SASH1: variants seen among roughly 807,000 people sequenced by gnomAD.
SASH1 encodes SAM and SH3 domain-containing protein 1.
A neutral mutation model predicts 125.2 loss-of-function variants in SASH1; 44 were observed. The ratio of observed to expected loss-of-function variants is 0.35; its 90% confidence interval spans 0.28 to 0.45. The LOEUF (loss-of-function observed/expected upper bound fraction) is 0.45, where lower values mean the gene tolerates loss of function less well. Ranked by LOEUF, SASH1 falls within the 20% of genes least tolerant of loss-of-function variation. The pLI is 1.00. For synonymous variants in SASH1, 639 were observed against 649.1 expected (o/e 0.98, Z 0.24); for missense variants, 1,426 against 1,614.5 (o/e 0.88, Z 2.00).
At position 148,474,104 on chromosome 6, in the gene SASH1, C is replaced by T. The variant is rs1778233996; in HGVS notation, c.515-6C>T. 6.3e-7 allele frequency: 1 copy of T among 1,593,378 alleles called. No individual in the cohort carries two copies. Among genetic ancestry groups the T allele is most frequent in the Admixed American group, 1.7e-5 (1 of 59,236 alleles). ...ACTCCTGTTGTTCTTTGTCCTCAAT[C>T]TCCAGGAGAAGACGTTGGTTATGTT... On this transcript the variant is annotated splice_region_variant and splice_polypyrimidine_tract_variant and intron_variant, in intron 6 of 19. Transcript: ENST00000367467.
chr6:148,359,073 T>A (rs1782075977), intron 1 of SASH1, among the ~76,000 whole-genome samples: 1 of 150,990 alleles, frequency 6.6e-6, no homozygotes, highest in Non-Finnish European at 1.5e-5. Context: ...CTTGGAATTT[T>A]TATTTAAAAA....
the SASH1 span, among the ~76,000 whole-genome samples, chr6:148,264,620 G>T: frequency 1.3e-5 from 2 of 152,198 alleles, no homozygotes; most frequent in Admixed American, 6.5e-5. Context: ...TCCACACCCA[G>T]TCATACTTGA....
intron 2 of SASH1, among the ~76,000 whole-genome samples, chr6:148,417,890 C>A (rs765835633): frequency 3.9e-5 from 6 of 152,104 alleles, no homozygotes; most frequent in Non-Finnish European, 7.4e-5. Flanking sequence ...GTGATAATCA[C>A]GTTGATGATA....
Position 148,342,871 on chromosome 6 carries a change from C to A in SASH1, c.-197C>A, listed in dbSNP as rs1781377351. ...TTCTGGAGTTGTCAGTCGCGCAGCC[C>A]GTGGCCACCTAGACCCGAGGTGCGG... is the stretch of plus-strand genomic sequence containing the variant. On this transcript the variant is annotated 5_prime_UTR_variant, in exon 1 of 20. Coordinates refer to ENST00000367467, the MANE Select transcript of SASH1 (RefSeq NM_015278.5). 8.5e-6 allele frequency: 2 copies of A among 234,822 alleles called. No homozygotes were observed. The highest frequency in any genetic ancestry group is 1.4e-5 in the Non-Finnish European group (2 of 143,694). 14.5% of individuals were successfully genotyped at this position (234,822 alleles called of 1,614,324 possible).
the SASH1 span, among the ~76,000 whole-genome samples, chr6:148,208,459 G>A: frequency 6.6e-6 from 1 of 152,122 alleles, no homozygotes; most frequent in African/African-American, 2.4e-5. Context: ...GAGGGGACAG[G>A]GTCCTTAACA....
the SASH1 span, among the ~76,000 whole-genome samples, chr6:148,238,690 G>A: frequency 1.5e-4 from 22 of 151,498 alleles, no homozygotes; most frequent in South Asian, 4.6e-3. Context: ...TATGAGAGAA[G>A]GGATTTTTAT....
intron 1 of SASH1, among the ~76,000 whole-genome samples, chr6:148,278,140 A>G (rs1779238085): frequency 6.6e-6 from 1 of 152,110 alleles, no homozygotes; most frequent in Non-Finnish European, 1.5e-5. Context: ...CCCGGGTTCA[A>G]GCGATTCTCC....
chr6:148,307,204 C>T (rs373679589), intron 1 of SASH1, among the ~76,000 whole-genome samples: 126 of 151,862 alleles, frequency 8.3e-4, no homozygotes, highest in African/African-American at 2.8e-3. Flanking sequence ...CTGCAACCTC[C>T]GCCTCCCAGG....
At chr6:148,420,173 A>G (rs565895300) in intron 2 of SASH1, among the ~76,000 whole-genome samples, 2 of 152,216 alleles carry the variant, frequency 1.3e-5, no homozygotes, top group Non-Finnish European at 2.9e-5. Flanking sequence ...TGGACCTTCT[A>G]TATCCCAGTT....
chr6:148,249,366 C>G, the SASH1 span, among the ~76,000 whole-genome samples: 1 of 149,452 alleles, frequency 6.7e-6, no homozygotes, highest in African/African-American at 2.5e-5. Flanking sequence ...CACACACATG[C>G]GCACGTGGGC....
intron 8 of SASH1, among the ~76,000 whole-genome samples, chr6:148,507,176 A>G (rs1779845603): frequency 6.6e-6 from 1 of 152,176 alleles, no homozygotes; most frequent in Non-Finnish European, 1.5e-5. Flanking sequence ...AGCAGAAGAC[A>G]GAGTGGGAGA....
chr6:148,508,937 A>G (rs1267670428), intron 8 of SASH1: 4 of 945,252 alleles, frequency 4.2e-6, no homozygotes, highest in East Asian at 6.1e-5. Context: ...GCTTCAAGTA[A>G]AAGTTTTTGC....
chr6:148,412,658 C>A (rs181772215), intron 2 of SASH1, among the ~76,000 whole-genome samples: 1 of 152,116 alleles, frequency 6.6e-6, no homozygotes, highest in East Asian at 1.9e-4. Flanking sequence ...TTCTGGTGAA[C>A]GAATAGAGCA....
chr6:148,217,225 G>A, the SASH1 span, among the ~76,000 whole-genome samples: 2 of 152,292 alleles, frequency 1.3e-5, no homozygotes, highest in Non-Finnish European at 2.9e-5. Context: ...AGACAGACTC[G>A]AGCCAGACTG....
At chr6:148,414,744 C>T (rs4897008) in intron 2 of SASH1, among the ~76,000 whole-genome samples, 17,984 of 152,062 alleles carry the variant, frequency 0.12, 1,216 homozygotes, top group Admixed American at 0.22. Context: ...TGGCATACCG[C>T]AACCTCTGCC....
the SASH1 span, among the ~76,000 whole-genome samples, chr6:148,237,199 A>T: frequency 6.0e-5 from 9 of 151,208 alleles, no homozygotes; most frequent in African/African-American, 1.9e-4. Context: ...TTTTTTTAGC[A>T]CAGTTCATGT....
At chr6:148,449,451 A>G (rs4897012) in intron 4 of SASH1, among the ~76,000 whole-genome samples, 133,420 of 149,490 alleles carry the variant, frequency 0.89, 59,812 homozygotes, top group African/African-American at 0.97. Context: ...GCAATGGTGC[A>G]ATCTCGGCTC....
At chr6:148,513,229 G>C (rs1408519357) in intron 8 of SASH1, 3 of 985,288 alleles carry the variant, frequency 3.0e-6, no homozygotes, top group African/African-American at 1.7e-5. Context: ...TGTTTTGTGT[G>C]TTCATTTGAG....
Position 148,343,035 on chromosome 6 carries a change from C to T in SASH1, c.-33C>T. 1 of 1,217,920 alleles carries T rather than the reference C, an allele frequency of 8.2e-7. No homozygotes were observed. Among genetic ancestry groups the T allele is most frequent in the Non-Finnish European group, 1.0e-6 (1 of 979,490 alleles). 75.4% of individuals were successfully genotyped at this position (1,217,920 alleles called of 1,614,324 possible). On this transcript the variant is annotated 5_prime_UTR_variant, in exon 1 of 20. Transcript: ENST00000367467. ...GTGCGGGGCGAGGGCGCCGCGGGGA[C>T]TGGGACGCACGGCCCGCGCGCGGGA...
Sources: gnomAD v4.1 joint callset for allele counts (sites outside exome capture counted in the v4.1 genomes callset) on GRCh38, gnomAD v4.1.1 for gene constraint, MANE v1.5 for transcripts, NCBI Gene and HGNC (gene_info 2026-07-23, HGNC 2026-07-21) for gene names.